Variants in TRIP11 observed in about 807,000 individuals in gnomAD.
TRIP11 encodes the protein thyroid hormone receptor interactor 11, also known as thyroid receptor-interacting protein 11.
TRIP11 carries 148 observed loss-of-function variants against 223.1 expected under a neutral mutation model. That is an observed-to-expected ratio of 0.66 (90% CI 0.58 to 0.76). The LOEUF (loss-of-function observed/expected upper bound fraction) is 0.76. TRIP11 is among the 30% of genes least tolerant of loss of function. TRIP11 has a pLI of 0.00. For synonymous variants in TRIP11, 762 were observed against 772.6 expected (o/e 0.99, Z 0.23); for missense variants, 2,043 against 2,222.0 (o/e 0.92, Z 1.62).
Position 92,015,809 on chromosome 14 carries a change from G to C in TRIP11, c.710C>G (p.Ser237Ter). Residue 237 changes from serine to a stop codon, truncating the protein, a stop_gained, in exon 6 of 21, where the codon TCA (serine) becomes TGA (stop). Coordinates refer to ENST00000267622, the MANE Select transcript of TRIP11 (RefSeq NM_004239.4). LOFTEE classifies it high-confidence loss of function. Reference protein sequence around the residue: ...QEIDDHQHEMSVLQNAHQQKL... With the variant: ...QEIDDHQHEM ...CTGTTGGTGTGCATTCTGCAGTACT[G>C]ACATTTCATGTTGATGGTCATCAAT... 6.2e-7 allele frequency: 1 copy of C among 1,613,076 alleles called. No homozygotes were observed. The highest frequency in any genetic ancestry group is 8.5e-7 in the Non-Finnish European group (1 of 1,179,826).
Position 91,988,401 on chromosome 14 carries a change from A to AT in TRIP11, c.5161-19dup. On this transcript the variant is annotated intron_variant, in intron 15 of 20. Transcript: ENST00000267622. ...AAACATTCCTGAGAAAGAAAACTTT[A>AT]TTAAAAAAAAGTATGCAAAAATTAT... The AT allele has an allele frequency of 6.2e-7, 1 of 1,607,508 alleles. No homozygotes were observed. Among genetic ancestry groups the AT allele is most frequent in the South Asian group, 1.1e-5 (1 of 90,756 alleles).
intron 11 of TRIP11, among the ~76,000 whole-genome samples, chr14:92,001,981 A>G (rs1215244990): frequency 6.6e-6 from 1 of 152,222 alleles, no homozygotes; most frequent in Non-Finnish European, 1.5e-5. Flanking sequence ...CTAAGAGGGA[A>G]CCTAACTGGC....
Position 92,013,054 on chromosome 14 carries a change from G to A in TRIP11, c.1186+1161C>T, listed in dbSNP as rs565256545. Reference sequence around the variant, plus strand: ...GTGGCCAAGGTGGGCAGATCATGAGGTCAAGAGATCGAGATCATCCTGGCC... The same window carrying A: ...GTGGCCAAGGTGGGCAGATCATGAGATCAAGAGATCGAGATCATCCTGGCC... On this transcript the variant is annotated intron_variant, in intron 7 of 20. Coordinates refer to ENST00000267622, the MANE Select transcript of TRIP11 (RefSeq NM_004239.4). 2.0e-4 allele frequency among the ~76,000 whole-genome samples: 30 copies of A among 152,286 alleles called. No homozygotes were observed. In the South Asian group the frequency reaches 4.6e-3, roughly 23 times the overall value.
chr14:92,015,387 A>T (rs1055342531), intron 6 of TRIP11, among the ~76,000 whole-genome samples: 1 of 152,014 alleles, frequency 6.6e-6, no homozygotes, highest in African/African-American at 2.4e-5. Context: ...GGCCAGGTGC[A>T]GTGGCTCATG....
At chr14:91,973,936 G>A (rs2056431098) in intron 19 of TRIP11, among the ~76,000 whole-genome samples, 1 of 152,334 alleles carries the variant, frequency 6.6e-6, no homozygotes, top group Non-Finnish European at 1.5e-5. Context: ...ACTGAGGCAG[G>A]AGAACTGCCT....
chr14:92,025,529 A>T (rs1249630445), intron 2 of TRIP11, 109 bp from the exon 3 acceptor site: 6 of 745,486 alleles, frequency 8.0e-6, no homozygotes, highest in Non-Finnish European at 1.3e-5. Flanking sequence ...AAAATGTCAA[A>T]TATAAAAGGT....
At chr14:91,983,801 G>C (rs1459468589) in intron 16 of TRIP11, among the ~76,000 whole-genome samples, 1 of 152,108 alleles carries the variant, frequency 6.6e-6, no homozygotes, top group Admixed American at 6.5e-5. Context: ...GAATGTATTT[G>C]GCCTGTGTTC....
intron 16 of TRIP11, among the ~76,000 whole-genome samples, chr14:91,985,420 TA>T (rs2056593821): frequency 2.7e-5 from 1 of 37,524 alleles, no homozygotes; most frequent in Non-Finnish European, 5.1e-5. Context: ...TACATACTCT[TA>T]AGAAATGACT....
At position 92,024,926 on chromosome 14, in the gene TRIP11, T is replaced by C. The variant is rs1451146555; in HGVS notation, c.312+384A>G. ...CCCAAAAACATTTATAAAGCAATTA[T>C]ATGTAAATTATCATATATTTAATAG... On this transcript the variant is annotated intron_variant, in intron 3 of 20. Coordinates refer to ENST00000267622, the MANE Select transcript of TRIP11 (RefSeq NM_004239.4). Among the ~76,000 whole-genome samples, 7 of 152,328 alleles carry C rather than the reference T, an allele frequency of 4.6e-5. No homozygotes were observed. The South Asian group carries it at 1.2e-3, about 27-fold the overall frequency.
rs2056414621 is a variant in TRIP11, at chr14:91,972,736, A to T, written c.5700T>A (p.Asn1900Lys). The T allele has an allele frequency of 6.2e-7, 1 of 1,610,834 alleles. No individual in the cohort carries two copies. The highest frequency in any genetic ancestry group is 1.3e-5 in the African/African-American group (1 of 74,854). The part of the protein sequence containing the change: ...DSPGRRKRDT[N>K]APESFKDTAE... ...TTTTACCTTTAAAACTTTCTGGTGCATTTGTATCTCTTTTTCTTCTTCCTG... is the reference window on the plus strand; with the variant it reads ...TTTTACCTTTAAAACTTTCTGGTGCTTTTGTATCTCTTTTTCTTCTTCCTG... The change falls in exon 20 of 21, where the codon AAT becomes AAA. Residue 1900 changes from asparagine to lysine, a missense_variant. Transcript: ENST00000267622.
rs770908057 is a variant in TRIP11 at position 92,005,515 on chromosome 14, T to C, written c.2461A>G (p.Lys821Glu). The C allele has an allele frequency of 6.2e-7, 1 of 1,612,146 alleles. No individual in the cohort carries two copies. Among genetic ancestry groups the C allele is most frequent in the Non-Finnish European group, 8.5e-7 (1 of 1,179,694 alleles). The change falls in exon 11 of 21, where the codon AAA (lysine) becomes GAA (glutamate). Residue 821 changes from lysine (K) to glutamate (E), a missense_variant. Lys to Glu is a moderately conservative substitution (Grantham distance 56). Coordinates refer to ENST00000267622, the MANE Select transcript of TRIP11 (RefSeq NM_004239.4). ...NKKEIFIEKLKERSSKLQEEL... is the reference protein window; with the variant it reads ...NKKEIFIEKLEERSSKLQEEL... The stretch of plus-strand genomic sequence containing the variant: ...TCCTGCAGCTTTGAACTTCTTTCTT[T>C]AAGCTTTTCAATAAAAATTTCTTTC...
chr14:92,012,097 G>T (rs2056980479), intron 7 of TRIP11, among the ~76,000 whole-genome samples: 1 of 152,136 alleles, frequency 6.6e-6, no homozygotes, highest in Non-Finnish European at 1.5e-5. Context: ...TGACAACCAG[G>T]TTTCAAAATG....
intron 16 of TRIP11, among the ~76,000 whole-genome samples, chr14:91,984,711 T>C (rs528552540): frequency 6.6e-6 from 1 of 152,306 alleles, no homozygotes; most frequent in South Asian, 2.1e-4. Flanking sequence ...TATAGCAAGA[T>C]AATGCATTTT....
In TRIP11 at chr14:92,040,046, A is replaced by C. The variant is rs2057368877; in HGVS notation, c.-361T>G. ...CGGCCGCCATGACACTCGCTCGGAA[A>C]GCGGCAGCGGATCATAGAAAAGCGC... On this transcript the variant is annotated 5_prime_UTR_variant, in exon 1 of 21. Coordinates refer to ENST00000267622, the MANE Select transcript of TRIP11 (RefSeq NM_004239.4). 2.4e-6 allele frequency: 1 copy of C among 417,576 alleles called. No individual in the cohort carries two copies. Among genetic ancestry groups the C allele is most frequent in the African/African-American group, 2.0e-5 (1 of 50,426 alleles). The allele number at this position is 417,576 out of a possible 1,614,324, so 25.9% of individuals were successfully genotyped here.
chr14:91,992,523 C>T (rs1340446685), intron 15 of TRIP11, among the ~76,000 whole-genome samples: 3 of 152,006 alleles, frequency 2.0e-5, no homozygotes, highest in Admixed American at 6.6e-5. Context: ...TTACTTGGGA[C>T]GTTAATGTTC....
At position 92,004,091 on chromosome 14, in the gene TRIP11, A is replaced by G. The variant is rs751430194; in HGVS notation, c.3885T>C (p.Ile1295=). The G allele has an allele frequency of 8.7e-6, 14 of 1,614,206 alleles. No individual in the cohort carries two copies. Among genetic ancestry groups the G allele is most frequent in the African/African-American group, 1.3e-5 (1 of 75,054 alleles). ...GQELAQVQHS[I]GQLCNTKDLL... is the part of the protein sequence containing the mutation. ...GATCCTTGGTATTGCAAAGCTGCCCAATGCTGTGCTGAACTTGTGCTAATT... is the reference window on the plus strand; with the variant it reads ...GATCCTTGGTATTGCAAAGCTGCCCGATGCTGTGCTGAACTTGTGCTAATT... Residue 1295 remains isoleucine, a synonymous_variant, in exon 11 of 21, where the codon ATT becomes ATC. Coordinates refer to ENST00000267622, the MANE Select transcript of TRIP11 (RefSeq NM_004239.4).
chr14:92,005,125 T>C lies in TRIP11; in HGVS notation c.2851A>G (p.Asn951Asp). 1 of 1,613,616 alleles carries C rather than the reference T, an allele frequency of 6.2e-7. No individual in the cohort carries two copies. The highest frequency in any genetic ancestry group is 8.5e-7 in the Non-Finnish European group (1 of 1,180,046). ...AAAAAGAGCTGGGTGTGTGTGGCGTTCATTTGCTCATGCTGGTATCTAAAC... is the reference window on the plus strand; with the variant it reads ...AAAAAGAGCTGGGTGTGTGTGGCGTCCATTTGCTCATGCTGGTATCTAAAC... The part of the protein sequence containing the change: ...DEFRYQHEQM[N>D]ATHTQLFLEK... The change falls in exon 11 of 21, where the codon AAC (asparagine) becomes GAC (aspartate). Residue 951 changes from asparagine (N) to aspartate (D), a missense_variant. Coordinates refer to ENST00000267622, the MANE Select transcript of TRIP11 (RefSeq NM_004239.4).
chr14:92,020,757 G>C (rs553932140), intron 4 of TRIP11, among the ~76,000 whole-genome samples: 1 of 152,068 alleles, frequency 6.6e-6, no homozygotes, highest in Admixed American at 6.6e-5. Context: ...AAGATGACAG[G>C]ACCAAAATCA....
rs2057154900 is a variant in TRIP11 at position 92,024,404 on chromosome 14, C to T, written c.312+906G>A. ...AAAAAAAAATTATTTGAACTTGCAA[C>T]TTTGCCTTTTTTAGTATTCATTTTA... On this transcript the variant is annotated intron_variant, in intron 3 of 20. Transcript: ENST00000267622. 2.0e-5 allele frequency among the ~76,000 whole-genome samples: 3 copies of T among 151,424 alleles called. No individual in the cohort carries two copies. The South Asian group carries it at 6.2e-4, about 31-fold the overall frequency.
Sources: allele counts gnomAD v4.1 joint callset (sites outside exome capture counted in the v4.1 genomes callset), GRCh38; gene constraint gnomAD v4.1.1; transcripts MANE v1.5; gene names NCBI Gene and HGNC (gene_info 2026-07-23, HGNC 2026-07-21).